The following CCDC102B variants were observed in gnomAD, a reference collection of about 807,000 sequenced individuals.
The protein encoded by CCDC102B is coiled-coil domain containing 102B.
Under a neutral mutation model 57.4 loss-of-function variants are expected in CCDC102B, and 75 were observed. That is an observed-to-expected ratio of 1.31 (90% CI 1.08 to 1.58). The LOEUF is 1.58. Ranked by LOEUF, CCDC102B falls within the 40% of genes most tolerant of loss-of-function variation. The pLI is 0.00. For synonymous variants in CCDC102B, 206 were observed against 201.9 expected (o/e 1.02, Z -0.17); for missense variants, 636 against 582.6 (o/e 1.09, Z -0.94).
chr18:68,901,294 CTATT>C (rs958712446), intron 6 of CCDC102B, among the ~76,000 whole-genome samples: 158 of 152,200 alleles, frequency 1.0e-3, no homozygotes, highest in African/African-American at 3.7e-3. Context: ...ATATTTTAAA[CTATT>C]TAAGTAAGCC....
chr18:68,748,611 A>T (rs1244391684), intron 2 of CCDC102B, among the ~76,000 whole-genome samples: 1 of 152,164 alleles, frequency 6.6e-6, no homozygotes, highest in Non-Finnish European at 1.5e-5. Flanking sequence ...AATGCTTTGT[A>T]GGTAATATGT....
At chr18:68,972,169 G>A (rs1011316631) in intron 6 of CCDC102B, among the ~76,000 whole-genome samples, 1 of 152,186 alleles carries the variant, frequency 6.6e-6, no homozygotes, top group African/African-American at 2.4e-5. Context: ...GAGACAACAT[G>A]AGAATTTGGG....
intron 5 of CCDC102B, among the ~76,000 whole-genome samples, chr18:68,893,169 T>G (rs917586695): frequency 1.3e-5 from 2 of 152,200 alleles, no homozygotes; most frequent in Non-Finnish European, 2.9e-5. Context: ...ATTTATGACT[T>G]TAGACATTTT....
chr18:68,959,380 G>T (rs537943369), intron 6 of CCDC102B, among the ~76,000 whole-genome samples: 1 of 152,228 alleles, frequency 6.6e-6, no homozygotes, highest in East Asian at 1.9e-4. Flanking sequence ...GTGCTGAGCT[G>T]CTTGGAGCTG....
rs534698212 is a variant in CCDC102B, at chr18:68,932,864, CTCTT to C, written c.1263+35440_1263+35443del. The stretch of plus-strand genomic sequence containing the variant: ...TGACGACTGATACAGGAAGGCTTCT[CTCTT>C]TCTAAATCTGCTTTCTGCTCTTGAA... On this transcript the variant is annotated intron_variant, in intron 6 of 7. Coordinates refer to ENST00000360242, the MANE Select transcript of CCDC102B (RefSeq NM_024781.3). Among the ~76,000 whole-genome samples the C allele has an allele frequency of 4.9e-4, 74 of 152,000 alleles. No individual in the cohort carries two copies. The South Asian group carries it at 0.01, about 21-fold the overall frequency.
chr18:69,050,994 C>T (rs2145497835), intron 7 of CCDC102B, among the ~76,000 whole-genome samples: 1 of 152,236 alleles, frequency 6.6e-6, no homozygotes, highest in South Asian at 2.1e-4. Flanking sequence ...AAGCCATCTT[C>T]CTGCCTCAGC....
intron 4 of CCDC102B, among the ~76,000 whole-genome samples, chr18:68,858,073 T>A (rs1341843675): frequency 6.6e-6 from 1 of 152,208 alleles, no homozygotes; most frequent in African/African-American, 2.4e-5. Context: ...GAGAGGAACA[T>A]ATTGCCATAG....
At chr18:68,915,292 G>T (rs752952998) in intron 6 of CCDC102B, among the ~76,000 whole-genome samples, 12 of 152,286 alleles carry the variant, frequency 7.9e-5, no homozygotes, top group Middle Eastern at 3.4e-3. Flanking sequence ...GTGAGGAGTG[G>T]TAGCATATGG....
intron 6 of CCDC102B, among the ~76,000 whole-genome samples, chr18:68,979,492 T>C (rs2145286758): frequency 6.6e-6 from 1 of 151,914 alleles, no homozygotes; most frequent in South Asian, 2.1e-4. Context: ...CTTAACTTTA[T>C]GGGGAACTAA....
chr18:68,853,672 TAAAAAAAAA>T (rs71175201), intron 4 of CCDC102B, among the ~76,000 whole-genome samples: 1,843 of 94,676 alleles, frequency 0.019, 94 homozygotes, highest in African/African-American at 0.08. Flanking sequence ...CCCCAAATTG[TAAAAAAAAA>T]AAAAAAAAAA....
At chr18:68,850,955 A>G (rs1599564591) in intron 4 of CCDC102B, among the ~76,000 whole-genome samples, 1 of 152,090 alleles carries the variant, frequency 6.6e-6, no homozygotes, top group East Asian at 1.9e-4. Context: ...TTTTCAAAGC[A>G]ACACGTAATA....
chr18:68,951,092 A>G (rs1269162905), intron 6 of CCDC102B, among the ~76,000 whole-genome samples: 2 of 152,144 alleles, frequency 1.3e-5, no homozygotes, highest in East Asian at 3.9e-4. Context: ...AAAACTGAGC[A>G]TACACAGTGA....
At chr18:68,790,505 G>C (rs1003470291) in intron 2 of CCDC102B, among the ~76,000 whole-genome samples, 1 of 152,198 alleles carries the variant, frequency 6.6e-6, no homozygotes, top group African/African-American at 2.4e-5. Flanking sequence ...AGGACCCTCC[G>C]AGCCAGGGCG....
chr18:68,999,831 A>C (rs1568114736), intron 6 of CCDC102B, among the ~76,000 whole-genome samples: 1 of 152,060 alleles, frequency 6.6e-6, no homozygotes, highest in Non-Finnish European at 1.5e-5. Context: ...AAATAGTGAC[A>C]CTTTTGTTCA....
In CCDC102B at chr18:68,756,029, C is replaced by T. The variant is rs1016826425; in HGVS notation, c.-67+39435C>T. 2.7e-5 allele frequency among the ~76,000 whole-genome samples: 4 copies of T among 150,786 alleles called. No homozygotes were observed. In the East Asian group the frequency reaches 5.9e-4, roughly 22 times the overall value. On this transcript the variant is annotated intron_variant, in intron 2 of 3. Coordinates refer to the CCDC102B transcript ENST00000578970. ...AATATCAAAATACATGAAATTTAGCCGAAGATTTAAATAGAGATAAATACA... is the reference window on the plus strand; with the variant it reads ...AATATCAAAATACATGAAATTTAGCTGAAGATTTAAATAGAGATAAATACA...
intron 7 of CCDC102B, among the ~76,000 whole-genome samples, chr18:69,024,909 A>C (rs1360245290): frequency 6.6e-6 from 1 of 152,080 alleles, no homozygotes; most frequent in Non-Finnish European, 1.5e-5. Flanking sequence ...GGTTTATGTC[A>C]GTATTTTAAA....
chr18:68,878,524 T>TAA (rs1568306758), intron 5 of CCDC102B, among the ~76,000 whole-genome samples: 1 of 151,984 alleles, frequency 6.6e-6, no homozygotes, highest in East Asian at 1.9e-4. Flanking sequence ...CTTTAGGAGT[T>TAA]GATTAAGTTA....
At chr18:69,019,055 G>A (rs1197037716) in intron 7 of CCDC102B, among the ~76,000 whole-genome samples, 1 of 151,922 alleles carries the variant, frequency 6.6e-6, no homozygotes, top group African/African-American at 2.4e-5. Context: ...ATATTGATGG[G>A]TTCATTTCTG....
intron 2 of CCDC102B, among the ~76,000 whole-genome samples, chr18:68,743,335 G>C (rs2033480111): frequency 6.6e-6 from 1 of 152,314 alleles, no homozygotes; most frequent in Admixed American, 6.5e-5. Flanking sequence ...TTGAACCCGG[G>C]TGGTGGAGCC....
Sources: gnomAD v4.1 joint callset for allele counts (sites outside exome capture counted in the v4.1 genomes callset) on GRCh38, gnomAD v4.1.1 for gene constraint, MANE v1.5 for transcripts, NCBI Gene and HGNC (gene_info 2026-07-23, HGNC 2026-07-21) for gene names.